The following NHERF1 variants were observed in gnomAD, a reference collection of about 807,000 sequenced individuals.
NHERF1 encodes the protein NHERF family PDZ scaffold protein 1, also known as Na(+)/H(+) exchange regulatory cofactor NHE-RF1.
At chr17:74,768,432 T>G in the NHERF1 span, 1 of 1,609,326 alleles carries the variant, frequency 6.2e-7, no homozygotes, top group Non-Finnish European at 8.5e-7. Context: ...AATGAGGGAC[T>G]GACTCCCAAC....
At chr17:74,751,941 G>A in the NHERF1 span, among the ~76,000 whole-genome samples, 1 of 152,336 alleles carries the variant, frequency 6.6e-6, no homozygotes, top group Non-Finnish European at 1.5e-5. The surrounding 1 kb of genome is among the most constrained non-coding windows in gnomAD (Gnocchi z 4.3). Context: ...TGTAAAGCAC[G>A]TAGCTCAGTG....
chr17:74,767,958 C>G, the NHERF1 span: 4 of 695,860 alleles, frequency 5.7e-6, no homozygotes, highest in African/African-American at 1.8e-5. Flanking sequence ...CCAGCCTGCC[C>G]TCTGATCCCC....
At chr17:74,752,841 A>T in the NHERF1 span, among the ~76,000 whole-genome samples, 3 of 152,252 alleles carry the variant, frequency 2.0e-5, no homozygotes, top group Non-Finnish European at 4.4e-5. Flanking sequence ...CTACGTGGTA[A>T]GCCCAAGGGC....
the NHERF1 span, among the ~76,000 whole-genome samples, chr17:74,762,560 GT>G: frequency 1.5e-4 from 22 of 147,238 alleles, no homozygotes; most frequent in African/African-American, 2.0e-4. The surrounding 1 kb of genome is among the most constrained non-coding windows in gnomAD (Gnocchi z 4.2). Context: ...TATTTATTTA[GT>G]TTTTTTTTTT....
chr17:74,760,793 A>G, the NHERF1 span, among the ~76,000 whole-genome samples: 1 of 152,234 alleles, frequency 6.6e-6, no homozygotes, highest in Non-Finnish European at 1.5e-5. The surrounding 1 kb of genome is among the most constrained non-coding windows in gnomAD (Gnocchi z 4.5). Context: ...ACTGGGCCTC[A>G]GCAACCCTGG....
the NHERF1 span, chr17:74,749,289 T>C: frequency 2.0e-6 from 3 of 1,527,484 alleles, no homozygotes; most frequent in Middle Eastern, 2.0e-4. The surrounding 1 kb of genome is among the most constrained non-coding windows in gnomAD (Gnocchi z 5.6). Context: ...CCGGAGCAGG[T>C]AAGCGGGGCC....
the NHERF1 span, chr17:74,767,849 AC>A: frequency 2.2e-6 from 1 of 452,376 alleles, no homozygotes; most frequent in Non-Finnish European, 4.2e-6. Context: ...GCAAGCCAGT[AC>A]CTAAAAGCCA....
chr17:74,768,444 TC>T, the NHERF1 span: 1 of 1,613,560 alleles, frequency 6.2e-7, no homozygotes, highest in South Asian at 1.1e-5. Context: ...ACTCCCAACT[TC>T]CTGCCCCCAC....
the NHERF1 span, among the ~76,000 whole-genome samples, chr17:74,765,253 T>A: frequency 6.6e-6 from 1 of 151,964 alleles, no homozygotes; most frequent in Admixed American, 6.6e-5. Context: ...ATTTTCTCTT[T>A]TTTTCTTTTT....
the NHERF1 span, chr17:74,769,211 G>T: frequency 2.0e-5 from 3 of 153,796 alleles, no homozygotes; most frequent in Admixed American, 1.9e-4. Flanking sequence ...CATGGCAGTG[G>T]CCTCAGCCTT....
At chr17:74,761,919 T>C in the NHERF1 span, 1 of 1,382,266 alleles carries the variant, frequency 7.2e-7, no homozygotes, top group East Asian at 2.3e-5. This position sits in a 1 kb window ranked among gnomAD's most constrained non-coding sequence, Gnocchi z 4.3. Context: ...TCCCAAACCT[T>C]CCTTGGTTGG....
the NHERF1 span, chr17:74,768,633 AAC>A: frequency 6.2e-7 from 1 of 1,613,962 alleles, no homozygotes; most frequent in South Asian, 1.1e-5. Flanking sequence ...GAGCAAGAAA[AAC>A]GAACTCTTCA....
chr17:74,767,358 C>G, the NHERF1 span, among the ~76,000 whole-genome samples: 2 of 152,206 alleles, frequency 1.3e-5, no homozygotes, highest in African/African-American at 4.8e-5. Flanking sequence ...CCCTCCTCCC[C>G]CCTTCCCTGG....
the NHERF1 span, among the ~76,000 whole-genome samples, chr17:74,754,372 TTTC>T: frequency 1.6e-5 from 1 of 64,140 alleles, no homozygotes; most frequent in Non-Finnish European, 4.4e-5. Context: ...TTGACATGCA[TTTC>T]TTTCTTTCTT....
chr17:74,763,562 C>T, the NHERF1 span: 1 of 1,554,458 alleles, frequency 6.4e-7, no homozygotes, highest in Non-Finnish European at 8.7e-7. Context: ...GGCTGGAGCC[C>T]CCCAAGTCAG....
At chr17:74,764,277 G>GT in the NHERF1 span, among the ~76,000 whole-genome samples, 1 of 152,216 alleles carries the variant, frequency 6.6e-6, no homozygotes, top group African/African-American at 2.4e-5. This position sits in a 1 kb window ranked among gnomAD's most constrained non-coding sequence, Gnocchi z 4.9. Flanking sequence ...ACTCAAGGTT[G>GT]TATGTGTAAA....
chr17:74,763,994 CTA>C, the NHERF1 span, among the ~76,000 whole-genome samples: 2 of 152,202 alleles, frequency 1.3e-5, no homozygotes, highest in African/African-American at 4.8e-5. Flanking sequence ...CTTGCTGGCT[CTA>C]GAGAGTAGTG....
chr17:74,760,354 C>T, the NHERF1 span, among the ~76,000 whole-genome samples: 1 of 152,176 alleles, frequency 6.6e-6, no homozygotes, highest in African/African-American at 2.4e-5. This position sits in a 1 kb window ranked among gnomAD's most constrained non-coding sequence, Gnocchi z 4.5. Context: ...GAGCCACTCA[C>T]GTTTTTACCA....
the NHERF1 span, among the ~76,000 whole-genome samples, chr17:74,749,620 G>T: frequency 2.0e-5 from 3 of 152,124 alleles, no homozygotes; most frequent in African/African-American, 7.2e-5. This position sits in a 1 kb window ranked among gnomAD's most constrained non-coding sequence, Gnocchi z 5.6. Flanking sequence ...CCGTTCCTCG[G>T]AATCCCCCAA....
Sources: allele counts gnomAD v4.1 joint callset (sites outside exome capture counted in the v4.1 genomes callset), GRCh38; gene constraint gnomAD v4.1.1; non-coding constraint Gnocchi (gnomAD v3.1); transcripts MANE v1.5; gene names NCBI Gene and HGNC (gene_info 2026-07-23, HGNC 2026-07-21).